The following ANP32E variants were observed in gnomAD, a reference collection of about 807,000 sequenced individuals.
The protein encoded by ANP32E is acidic nuclear phosphoprotein 32 family member E.
ANP32E carries 14 observed loss-of-function variants against 35.3 expected under a neutral mutation model. The ratio of observed to expected loss-of-function variants is 0.40; its 90% confidence interval spans 0.26 to 0.62. The LOEUF is 0.62. Ranked by LOEUF, ANP32E falls within the 20% of genes least tolerant of loss-of-function variation. The pLI is 0.45. For missense variants in ANP32E, 198 were observed against 304.4 expected, an observed-to-expected ratio of 0.65 and a Z score of 2.60; for synonymous variants, 89 against 110.4, an observed-to-expected ratio of 0.81 and a Z score of 1.22.
chr1:150,223,318 A>G, intron 5 of ANP32E, 78 bp from the exon 6 acceptor site: 1 of 1,482,808 alleles, frequency 6.7e-7, no homozygotes, highest in Non-Finnish European at 9.2e-7. Context: ...TATTCCAACA[A>G]GAGCAAAGAA....
Position 150,229,222 on chromosome 1 carries a change from A to G in ANP32E, c.343T>C (p.Leu115=). The change falls in exon 4 of 7, where the codon TTG becomes CTG. Residue 115 remains leucine, a synonymous_variant. Coordinates refer to ENST00000583931, the MANE Select transcript of ANP32E (RefSeq NM_030920.5). The part of the protein sequence containing the change: ...TVEALQNLKN[L]KSLDLFNCEI... ...CAGTTAAACAGGTCAAGACTTTTCA[A>G]ATTTTTAAGATTTTGCTGGAAAAGT... 1 of 1,566,472 alleles carries G rather than the reference A, an allele frequency of 6.4e-7. No individual in the cohort carries two copies. Among genetic ancestry groups the G allele is most frequent in the Non-Finnish European group, 8.6e-7 (1 of 1,159,062 alleles).
intron 1 of ANP32E, among the ~76,000 whole-genome samples, chr1:150,232,489 T>TTTTTG (rs1477799667): frequency 1.6e-5 from 2 of 125,318 alleles, no homozygotes; most frequent in Non-Finnish European, 3.4e-5. Context: ...TTTTTTTTTG[T>TTTTTG]AGATGGAGTC....
chr1:150,231,601 A>G (rs1649353033), intron 2 of ANP32E, among the ~76,000 whole-genome samples, 176 bp downstream of exon 2: 1 of 152,260 alleles, frequency 6.6e-6, no homozygotes, highest in Non-Finnish European at 1.5e-5. Context: ...AAATAAATAA[A>G]TAAATTTATA....
intron 5 of ANP32E, 22 bp downstream of exon 5, chr1:150,226,586 C>T (rs1648892234): frequency 6.2e-7 from 1 of 1,606,030 alleles, no homozygotes; most frequent in Non-Finnish European, 8.5e-7. Flanking sequence ...ATTTTCAGTG[C>T]AGGTAAGAAG....
At chr1:150,223,349 T>C in intron 5 of ANP32E, 109 bp from the exon 6 acceptor site, 2 of 1,382,578 alleles carry the variant, frequency 1.4e-6, no homozygotes, top group South Asian at 1.3e-5. Flanking sequence ...TTCTGTGTTT[T>C]GACAACCTCT....
At chr1:150,223,402 C>T (rs1177099592) in intron 5 of ANP32E, 162 bp from the exon 6 acceptor site, 6 of 937,666 alleles carry the variant, frequency 6.4e-6, no homozygotes, top group African/African-American at 5.1e-5. Flanking sequence ...ACTAAAGGGC[C>T]GGGCGCGGTG....
chr1:150,228,561 G>A (rs1298948938), intron 4 of ANP32E, among the ~76,000 whole-genome samples: 6 of 151,848 alleles, frequency 4.0e-5, no homozygotes, highest in South Asian at 2.1e-4. Context: ...GAGTGGTGGC[G>A]GGCACCTGTA....
chr1:150,224,607 T>C (rs1375992952), intron 5 of ANP32E, among the ~76,000 whole-genome samples: 1 of 151,902 alleles, frequency 6.6e-6, no homozygotes, highest in South Asian at 2.1e-4. Flanking sequence ...TAAAGTTCTG[T>C]TCTTCATTAT....
chr1:150,228,986 A>G (rs990336208), intron 4 of ANP32E, 86 bp downstream of exon 4: 7 of 1,226,866 alleles, frequency 5.7e-6, no homozygotes, highest in Non-Finnish European at 6.8e-6. Flanking sequence ...TTTTTTTCAC[A>G]CCTAAATTTC....
intron 6 of ANP32E, among the ~76,000 whole-genome samples, chr1:150,222,098 GAAATA>G (rs56336280): frequency 0.32 from 46,476 of 147,372 alleles, 7,841 homozygotes; most frequent in East Asian, 0.55. Context: ...ACAATAAAAT[GAAATA>G]AAATAAAATA....
At chr1:150,230,742 C>G (rs1560003720) in intron 2 of ANP32E, 49 bp from the exon 3 acceptor site, 1 of 1,457,534 alleles carries the variant, frequency 6.9e-7, no homozygotes, top group South Asian at 1.3e-5. Flanking sequence ...GGTATCATAT[C>G]AAACTTTTTT....
At chr1:150,222,096 A>C (rs1280913580) in intron 6 of ANP32E, among the ~76,000 whole-genome samples, 1 of 125,956 alleles carries the variant, frequency 7.9e-6, no homozygotes. Flanking sequence ...AAACAATAAA[A>C]TGAAATAAAA....
At chr1:150,234,713 A>G in intron 1 of ANP32E, 3 of 979,336 alleles carry the variant, frequency 3.1e-6, no homozygotes, top group Non-Finnish European at 3.6e-6. Context: ...CTCCCCAAGG[A>G]AAAAACGGGT....
rs1553836860 is a variant in ANP32E, at chr1:150,219,395, G to C, written c.*1296C>G. Reference sequence around the variant, plus strand: ...TTCTACTTTTAATGGACATCCACTTGAAAACAAATCTTAATTTTAATGTCA... The same window carrying C: ...TTCTACTTTTAATGGACATCCACTTCAAAACAAATCTTAATTTTAATGTCA... On this transcript the variant is annotated 3_prime_UTR_variant, in exon 7 of 7. Transcript: ENST00000583931. 1 of 152,088 alleles carries C rather than the reference G, an allele frequency of 6.6e-6. No homozygotes were observed. The highest frequency in any genetic ancestry group is 2.4e-5 in the African/African-American group (1 of 41,424). The allele number at this position is 152,088 out of a possible 1,614,324, so 9.4% of individuals were successfully genotyped here.
At chr1:150,226,566 C>T (rs782050496) in intron 5 of ANP32E, 42 bp downstream of exon 5, 5 of 1,603,336 alleles carry the variant, frequency 3.1e-6, no homozygotes, top group South Asian at 1.1e-5. Context: ...ACTCCTATGC[C>T]TAGAAATTAA....
At chr1:150,229,291 C>CTTTTTTAT in intron 3 of ANP32E, 54 bp from the exon 4 acceptor site, 1 of 433,676 alleles carries the variant, frequency 2.3e-6, no homozygotes, top group Non-Finnish European at 3.5e-6. Context: ...CATGTTATTT[C>CTTTTTTAT]TTTTTTCTTT....
Position 150,226,614 on chromosome 1 carries a change from T to G in ANP32E, c.675A>C (p.Glu225Asp). Residue 225 changes from glutamate to aspartate, a missense_variant, in exon 5 of 7, where the codon GAA becomes GAC. Physicochemically the swap from Glu to Asp is conservative, Grantham distance 45. This residue lies in a region of ANP32E where 121 missense variants were observed against 137.3 expected (regional missense o/e 0.88). Coordinates refer to ENST00000583931, the MANE Select transcript of ANP32E (RefSeq NM_030920.5). The stretch of plus-strand genomic sequence containing the variant: ...GTAAGAAGTGTGTATTCACCTGAAT[T>G]TCTTCTTTCATTAAGTATGAGAGGC... ...EVGLSYLMKE[E>D]IQDEEDDDDY... The G allele has an allele frequency of 6.2e-7, 1 of 1,613,532 alleles. No homozygotes were observed. The highest frequency in any genetic ancestry group is 2.2e-5 in the East Asian group (1 of 44,842).
intron 4 of ANP32E, 64 bp downstream of exon 4, chr1:150,229,004 AATCT>A (rs1649116220): frequency 7.1e-7 from 1 of 1,417,186 alleles, no homozygotes. Context: ...TTCCAGGCCC[AATCT>A]AATTTGCACA....
rs1649436206 is a variant in ANP32E at position 150,232,474 on chromosome 1, C to CTTTTT, written c.55-553_55-549dup. 8.1e-5 allele frequency among the ~76,000 whole-genome samples: 2 copies of CTTTTT among 24,650 alleles called. 1 individual carries two copies. The allele number at this position is 24,650 out of a possible 152,430, so 16.2% of individuals were successfully genotyped here. A position where few individuals can be genotyped will look rare whatever the true frequency, so the allele number is the denominator to read the frequency against. Reference sequence around the variant, plus strand: ...AAGTAATCTTTTAAATTTCTTTTTTCTTTTTTTTTTTTTGTAGATGGAGTC... The same window carrying CTTTTT: ...AAGTAATCTTTTAAATTTCTTTTTTCTTTTTTTTTTTTTTTTTTGTAGATGGAGTC... On this transcript the variant is annotated intron_variant, in intron 1 of 6. Transcript: ENST00000583931.
Sources: gnomAD v4.1 joint callset for allele counts (sites outside exome capture counted in the v4.1 genomes callset) on GRCh38, gnomAD v4.1.1 for gene constraint, gnomAD v4.1.1 regional missense constraint, MANE v1.5 for transcripts, NCBI Gene and HGNC (gene_info 2026-07-23, HGNC 2026-07-21) for gene names.